The following CNTN3 variants were observed in gnomAD, a reference collection of about 807,000 sequenced individuals.
The protein encoded by CNTN3 is contactin 3.
Under a neutral mutation model 119.1 loss-of-function variants are expected in CNTN3, and 60 were observed. The observed-to-expected ratio is 0.50, with a 90% confidence interval of 0.41 to 0.62. The LOEUF is 0.62. Among genes scored for constraint, CNTN3 ranks in the 20% least tolerant of loss-of-function variants. CNTN3 has a pLI of 0.00. For missense variants in CNTN3, 1,101 were observed against 1,242.4 expected, an observed-to-expected ratio of 0.89 and a Z score of 1.71; for synonymous variants, 450 against 438.7, an observed-to-expected ratio of 1.03 and a Z score of -0.32.
intron 1 of CNTN3, among the ~76,000 whole-genome samples, chr3:74,541,745 T>C (rs1703845729): frequency 6.6e-6 from 1 of 152,200 alleles, no homozygotes; most frequent in Non-Finnish European, 1.5e-5. Context: ...ATAAGTTACA[T>C]ACATGTATCA....
intron 5 of CNTN3, among the ~76,000 whole-genome samples, chr3:74,422,211 T>G (rs535715094): frequency 7.9e-5 from 12 of 152,306 alleles, no homozygotes; most frequent in African/African-American, 2.9e-4. Flanking sequence ...TACCTCCGCA[T>G]TACAGACACT....
intron 4 of CNTN3, among the ~76,000 whole-genome samples, chr3:74,474,753 G>T (rs1024536120): frequency 1.3e-5 from 2 of 152,274 alleles, no homozygotes; most frequent in African/African-American, 2.4e-5. Context: ...GTTGGAGGTG[G>T]GGCCTGGTGG....
At chr3:74,414,836 C>A (rs1168656973) in intron 5 of CNTN3, among the ~76,000 whole-genome samples, 1 of 150,822 alleles carries the variant, frequency 6.6e-6, no homozygotes, top group Non-Finnish European at 1.5e-5. Context: ...CTTGCTAGTG[C>A]ACAGATCAAT....
At chr3:74,461,903 A>G (rs1314297150) in intron 4 of CNTN3, among the ~76,000 whole-genome samples, 2 of 152,100 alleles carry the variant, frequency 1.3e-5, no homozygotes, top group Non-Finnish European at 2.9e-5. Context: ...ATATTAAGCA[A>G]ACTATGCCTC....
chr3:74,330,644 A>G (rs1703243198), intron 13 of CNTN3, among the ~76,000 whole-genome samples: 1 of 152,174 alleles, frequency 6.6e-6, no homozygotes, highest in African/African-American at 2.4e-5. Context: ...AGAGTCTCAT[A>G]TAGGTCCTTC....
intron 5 of CNTN3, among the ~76,000 whole-genome samples, chr3:74,375,379 A>G (rs1300003301): frequency 1.3e-5 from 2 of 152,150 alleles, no homozygotes; most frequent in East Asian, 3.9e-4. Flanking sequence ...CTTAAGAGAG[A>G]GTCTGGGCCT....
chr3:74,587,285 C>A lies in CNTN3; in HGVS notation c.-81+27106G>T, dbSNP rs544718158. ...GTCATTGTTTTCCTCCTCATTCAGA[C>A]ACTAGATAGAACTATACACCACTTT... On this transcript the variant is annotated intron_variant, in intron 1 of 22. Coordinates refer to ENST00000263665, the MANE Select transcript of CNTN3 (RefSeq NM_020872.3). Among the ~76,000 whole-genome samples the A allele has an allele frequency of 2.0e-5, 3 of 152,156 alleles. No individual in the cohort carries two copies. The Middle Eastern group carries it at 0.01, about 518-fold the overall frequency.
chr3:74,400,439 A>T (rs12497830), intron 5 of CNTN3, among the ~76,000 whole-genome samples: 2 of 151,952 alleles, frequency 1.3e-5, no homozygotes. Context: ...CTAGTCATTA[A>T]CACATTTTCT....
chr3:74,560,008 A>G (rs947354079), intron 1 of CNTN3, among the ~76,000 whole-genome samples: 1 of 152,132 alleles, frequency 6.6e-6, no homozygotes, highest in African/African-American at 2.4e-5. Context: ...AAGAGTGGCA[A>G]CTCAACAGGC....
chr3:74,363,912 A>G (rs996701115), intron 10 of CNTN3, among the ~76,000 whole-genome samples: 1 of 151,962 alleles, frequency 6.6e-6, no homozygotes, highest in Non-Finnish European at 1.5e-5. Flanking sequence ...TGTAATGTAA[A>G]TATTCTTCTG....
At chr3:74,449,149 C>T (rs1187520095) in intron 4 of CNTN3, among the ~76,000 whole-genome samples, 1 of 151,838 alleles carries the variant, frequency 6.6e-6, no homozygotes, top group Non-Finnish European at 1.5e-5. Flanking sequence ...AAAGAAATAT[C>T]TAAGTATTAT....
intron 3 of CNTN3, among the ~76,000 whole-genome samples, chr3:74,495,835 A>G (rs1703053017): frequency 6.6e-6 from 1 of 152,092 alleles, no homozygotes; most frequent in Non-Finnish European, 1.5e-5. Context: ...TCTGTATCCA[A>G]GATTCCTTAC....
chr3:74,354,956 G>T (rs17012421), intron 11 of CNTN3, among the ~76,000 whole-genome samples: 1 of 151,986 alleles, frequency 6.6e-6, no homozygotes, highest in African/African-American at 2.4e-5. Flanking sequence ...TTCCTAGAAA[G>T]TTGTATCCAC....
intron 1 of CNTN3, among the ~76,000 whole-genome samples, chr3:74,551,335 G>A (rs910133701): frequency 3.3e-5 from 5 of 152,090 alleles, no homozygotes; most frequent in Non-Finnish European, 7.4e-5. Context: ...TATTTTTAGT[G>A]GAGTGTTAGG....
At chr3:74,455,275 T>C (rs1702246394) in intron 4 of CNTN3, among the ~76,000 whole-genome samples, 1 of 152,152 alleles carries the variant, frequency 6.6e-6, no homozygotes, top group South Asian at 2.1e-4. Flanking sequence ...GCTGATACCC[T>C]TTCTTCCAGT....
At chr3:74,399,842 G>A (rs1705149755) in intron 5 of CNTN3, among the ~76,000 whole-genome samples, 1 of 152,082 alleles carries the variant, frequency 6.6e-6, no homozygotes, top group African/African-American at 2.4e-5. Flanking sequence ...GCCCTTCCCA[G>A]CCTCTGGTAT....
intron 1 of CNTN3, among the ~76,000 whole-genome samples, chr3:74,523,529 G>T (rs748049836): frequency 6.6e-6 from 1 of 151,798 alleles, no homozygotes; most frequent in Non-Finnish European, 1.5e-5. Flanking sequence ...GATTGAACTG[G>T]TACTTCCTTC....
At chr3:74,402,009 G>T (rs993252321) in intron 5 of CNTN3, among the ~76,000 whole-genome samples, 4 of 152,142 alleles carry the variant, frequency 2.6e-5, no homozygotes, top group Admixed American at 2.6e-4. Flanking sequence ...AGATTAGAGG[G>T]GATGCTCCCC....
chr3:74,364,649 A>G, intron 9 of CNTN3, 53 bp from the exon 10 acceptor site: 1 of 1,448,080 alleles, frequency 6.9e-7, no homozygotes, highest in South Asian at 1.2e-5. Context: ...ACTTTAGAAT[A>G]AAAATGAACT....
Sources: gnomAD v4.1 joint callset for allele counts (sites outside exome capture counted in the v4.1 genomes callset) on GRCh38, gnomAD v4.1.1 for gene constraint, MANE v1.5 for transcripts, NCBI Gene and HGNC (gene_info 2026-07-23, HGNC 2026-07-21) for gene names.